Variants in NR2E1 observed in about 807,000 individuals in gnomAD.
The protein encoded by NR2E1 is nuclear receptor subfamily 2 group E member 1, also known as nuclear receptor TLX.
Under a neutral mutation model 43.6 loss-of-function variants are expected in NR2E1, and 5 were observed. That is an observed-to-expected ratio of 0.11 (90% CI 0.06 to 0.24). The LOEUF (loss-of-function observed/expected upper bound fraction) is 0.24, where lower values mean the gene tolerates loss of function less well. Among genes scored for constraint, NR2E1 ranks in the 10% least tolerant of loss-of-function variants. NR2E1 has a pLI of 1.00. For missense variants in NR2E1, 287 were observed against 496.7 expected, an observed-to-expected ratio of 0.58 and a Z score of 4.01; for synonymous variants, 191 against 195.5, an observed-to-expected ratio of 0.98 and a Z score of 0.19.
At position 108,187,623 on chromosome 6, in the gene NR2E1, T is replaced by C. The variant is rs1000059805; in HGVS notation, c.*160T>C. The C allele has an allele frequency of 1.3e-6, 1 of 771,948 alleles. No individual in the cohort carries two copies. Among genetic ancestry groups the C allele is most frequent in the Non-Finnish European group, 2.2e-6 (1 of 456,562 alleles). 47.8% of individuals were successfully genotyped at this position (771,948 alleles called of 1,614,324 possible). A position where few individuals can be genotyped will look rare whatever the true frequency, so the allele number is the denominator to read the frequency against. On this transcript the variant is annotated 3_prime_UTR_variant, in exon 9 of 9. Transcript: ENST00000368986. Reference sequence around the variant, plus strand: ...TTGACACAAAGCATTCCAGTAGCTATGACCTGCCGCCCTGACCAGGATAGG... The same window carrying C: ...TTGACACAAAGCATTCCAGTAGCTACGACCTGCCGCCCTGACCAGGATAGG...
chr6:108,173,070 A>G (rs527774397), intron 2 of NR2E1, among the ~76,000 whole-genome samples: 2 of 152,348 alleles, frequency 1.3e-5, no homozygotes, highest in East Asian at 3.9e-4. Context: ...ATGGCTATCA[A>G]TTCAAGCATA....
At position 108,179,492 on chromosome 6, in the gene NR2E1, CTGTGTGTG is replaced by C. The variant is rs34907033; in HGVS notation, c.643-797_643-790del. ...TTTACTGGTTAGCTCTAACCACTTCCTGTGTGTGTGTGTGTGTGTGTGTGTGTGTGTGT... is the reference window on the plus strand; with the variant it reads ...TTTACTGGTTAGCTCTAACCACTTCCTGTGTGTGTGTGTGTGTGTGTGTGT... On this transcript the variant is annotated intron_variant, in intron 5 of 8. Transcript: ENST00000368986. 1.2e-3 allele frequency among the ~76,000 whole-genome samples: 164 copies of C among 131,428 alleles called. 2 individuals carry two copies. The South Asian group carries it at 0.024, about 19-fold the overall frequency. The allele number at this position is 131,428 out of a possible 152,430, so 86.2% of individuals were successfully genotyped here.
At chr6:108,182,921 G>A (rs1037648405) in intron 8 of NR2E1, among the ~76,000 whole-genome samples, 4 of 151,804 alleles carry the variant, frequency 2.6e-5, no homozygotes, top group Non-Finnish European at 5.9e-5. Context: ...GGCTGGTCTC[G>A]AACTCCTGGC....
intron 2 of NR2E1, 98 bp from the exon 3 acceptor site, chr6:108,174,738 A>G: frequency 1.0e-6 from 1 of 971,856 alleles, no homozygotes; most frequent in Non-Finnish European, 1.6e-6. Context: ...GCGGCCGGGC[A>G]AGGTCGCGCC....
intron 8 of NR2E1, 109 bp downstream of exon 8, chr6:108,181,760 C>A: frequency 2.4e-6 from 2 of 838,684 alleles, no homozygotes; most frequent in Non-Finnish European, 4.0e-6. Context: ...TATCTTGTTG[C>A]CAGCCAGTTA....
chr6:108,181,492 T>C, intron 7 of NR2E1, 54 bp from the exon 8 acceptor site: 3 of 1,459,524 alleles, frequency 2.1e-6, no homozygotes, highest in Non-Finnish European at 2.9e-6. Context: ...TGCGCTCGGC[T>C]CCCAGATGCA....
Position 108,180,821 on chromosome 6 carries a change from A to C in NR2E1, c.754A>C (p.Asn252His). Residue 252 changes from asparagine to histidine, a missense_variant, in exon 7 of 9, where the codon AAC becomes CAC. By Grantham distance (68) the Asn-to-His change is moderately conservative. Transcript: ENST00000368986. This position sits in a 1 kb window ranked among gnomAD's most constrained non-coding sequence, Gnocchi z 5.4. ...TTTTATTCTAGGCATGAACGGTGAC[A>C]ACACAGATTCCCAGAAGCTGAACAA... ...LLAVSGMNGD[N>H]TDSQKLNKII... The C allele has an allele frequency of 5.0e-6, 8 of 1,614,132 alleles. No individual in the cohort carries two copies. Among genetic ancestry groups the C allele is most frequent in the Non-Finnish European group, 6.8e-6 (8 of 1,179,950 alleles).
intron 8 of NR2E1, among the ~76,000 whole-genome samples, chr6:108,184,796 C>T (rs573564907): frequency 5.3e-5 from 8 of 152,122 alleles, no homozygotes; most frequent in East Asian, 3.9e-4. Flanking sequence ...TCCCCAACAC[C>T]GCAAAAGAAG....
chr6:108,176,403 G>A, intron 3 of NR2E1, 100 bp from the exon 4 acceptor site: 1 of 1,244,908 alleles, frequency 8.0e-7, no homozygotes, highest in Non-Finnish European at 1.1e-6. Context: ...GATTTTGCCC[G>A]CCCAGACTTG....
chr6:108,171,982 A>G (rs1039543089), intron 2 of NR2E1, among the ~76,000 whole-genome samples: 2 of 152,164 alleles, frequency 1.3e-5, no homozygotes, highest in Non-Finnish European at 2.9e-5. Context: ...GAGCTTTGTT[A>G]TTGTGCCTGC....
In NR2E1 at chr6:108,188,638, T is replaced by G. The variant is rs1235881817; in HGVS notation, c.*1175T>G. On this transcript the variant is annotated 3_prime_UTR_variant, in exon 9 of 9. Coordinates refer to ENST00000368986, the MANE Select transcript of NR2E1 (RefSeq NM_003269.5). ...AACATTTTTAAATAGCTGCTGTACT[T>G]TTCACATTTTGATTTATTAGGTACT... The G allele has an allele frequency of 1.3e-5, 2 of 152,156 alleles. No homozygotes were observed. Among genetic ancestry groups the G allele is most frequent in the Non-Finnish European group, 2.9e-5 (2 of 68,044 alleles). The allele number at this position is 152,156 out of a possible 1,614,324, so 9.4% of individuals were successfully genotyped here.
chr6:108,182,697 T>C (rs1304850692), intron 8 of NR2E1, among the ~76,000 whole-genome samples: 2 of 152,016 alleles, frequency 1.3e-5, no homozygotes, highest in African/African-American at 4.8e-5. Flanking sequence ...TAGCTGGGAT[T>C]ACAGGTGCCT....
intron 5 of NR2E1, chr6:108,178,985 T>C (rs575841570): frequency 6.5e-6 from 1 of 152,702 alleles, no homozygotes; most frequent in Non-Finnish European, 1.5e-5. Flanking sequence ...AAATAAAGTG[T>C]TCCCAACCAT....
chr6:108,179,630 C>T (rs59423866), intron 5 of NR2E1, among the ~76,000 whole-genome samples: 7,625 of 151,484 alleles, frequency 0.05, 683 homozygotes, highest in African/African-American at 0.18. Context: ...AGAAATCCTT[C>T]GACAACAAGC....
intron 3 of NR2E1, chr6:108,175,962 T>C (rs1773889327): frequency 6.3e-6 from 1 of 157,724 alleles, no homozygotes; most frequent in Admixed American, 6.1e-5. Context: ...CCTCGTTCCA[T>C]TCCCTAGCAA....
chr6:108,172,064 G>A (rs142567708), intron 2 of NR2E1, among the ~76,000 whole-genome samples: 68 of 152,276 alleles, frequency 4.5e-4, no homozygotes, highest in African/African-American at 1.3e-3. Flanking sequence ...AGAAGTAAGC[G>A]GCACACAGAC....
intron 1 of NR2E1, chr6:108,168,015 A>G: frequency 6.3e-7 from 1 of 1,583,504 alleles, no homozygotes; most frequent in Non-Finnish European, 8.6e-7. Context: ...GTGAACAAAA[A>G]GAAAAGGAGA....
At chr6:108,182,346 A>T (rs1339027684) in intron 8 of NR2E1, among the ~76,000 whole-genome samples, 1 of 151,976 alleles carries the variant, frequency 6.6e-6, no homozygotes, top group South Asian at 2.1e-4. Flanking sequence ...TCAGATGCCA[A>T]TCTCAAATAA....
intron 3 of NR2E1, among the ~76,000 whole-genome samples, chr6:108,175,736 G>C (rs1773886055): frequency 6.6e-6 from 1 of 152,154 alleles, no homozygotes; most frequent in Non-Finnish European, 1.5e-5. Context: ...CTGTGAGGCG[G>C]CCCGGGCCGG....
Sources: gnomAD v4.1 joint callset for allele counts (sites outside exome capture counted in the v4.1 genomes callset) on GRCh38, gnomAD v4.1.1 for gene constraint, Gnocchi (gnomAD v3.1) non-coding constraint, MANE v1.5 for transcripts, NCBI Gene and HGNC (gene_info 2026-07-23, HGNC 2026-07-21) for gene names.